MAPKBP1: variants seen among roughly 807,000 people sequenced by gnomAD.
MAPKBP1 encodes mitogen-activated protein kinase binding protein 1.
MAPKBP1 carries 71 observed loss-of-function variants against 170.5 expected under a neutral mutation model. The observed-to-expected ratio is 0.42, with a 90% CI of 0.34 to 0.51. The LOEUF is 0.51. Ranked by LOEUF, MAPKBP1 falls within the 20% of genes least tolerant of loss-of-function variation. MAPKBP1 has a pLI of 0.06. For synonymous variants in MAPKBP1, 719 were observed against 757.9 expected, an observed-to-expected ratio of 0.95 and a Z score of 0.84; for missense variants, 1,598 against 1,933.0, an observed-to-expected ratio of 0.83 and a Z score of 3.25.
chr15:41,797,498 G>A (rs1327456773), intron 2 of MAPKBP1, among the ~76,000 whole-genome samples: 1 of 152,142 alleles, frequency 6.6e-6, no homozygotes, highest in Non-Finnish European at 1.5e-5. Flanking sequence ...GTGCCAGGAT[G>A]ACTGGTGACT....
At chr15:41,782,786 A>G (rs1381725655) in intron 2 of MAPKBP1, among the ~76,000 whole-genome samples, 2 of 151,980 alleles carry the variant, frequency 1.3e-5, no homozygotes, top group Non-Finnish European at 1.5e-5. Context: ...GACAGTTCCC[A>G]AAGAGGGGGA....
intron 3 of MAPKBP1, among the ~76,000 whole-genome samples, chr15:41,802,774 C>G (rs2064620166): frequency 1.3e-5 from 2 of 152,076 alleles, no homozygotes; most frequent in African/African-American, 4.8e-5. Context: ...GTGCCTGACC[C>G]AAAAGTATTT....
intron 2 of MAPKBP1, among the ~76,000 whole-genome samples, chr15:41,786,031 C>A (rs1352435527): frequency 6.6e-6 from 1 of 152,128 alleles, no homozygotes; most frequent in Non-Finnish European, 1.5e-5. Flanking sequence ...GATGAAATTC[C>A]TTGTACCTGC....
intron 3 of MAPKBP1, among the ~76,000 whole-genome samples, chr15:41,806,832 A>G (rs559420475): frequency 1.3e-5 from 2 of 152,188 alleles, no homozygotes; most frequent in South Asian, 4.1e-4. Flanking sequence ...TCCCCAGCTG[A>G]CCTAGGAGCT....
At chr15:41,823,295 G>GCCTC (rs2065032454) in intron 28 of MAPKBP1, 73 bp downstream of exon 28, 4 of 1,562,098 alleles carry the variant, frequency 2.6e-6, no homozygotes, top group Admixed American at 3.5e-5. Flanking sequence ...AGGAGGGAGG[G>GCCTC]CCTGGTGTGG....
intron 27 of MAPKBP1, 51 bp from the exon 28 acceptor site, chr15:41,822,888 G>A (rs2152084454): frequency 1.3e-6 from 2 of 1,555,420 alleles, no homozygotes; most frequent in East Asian, 4.5e-5. Context: ...ATTTTGGCAG[G>A]GAGGAGCATT....
Position 41,820,881 on chromosome 15 carries a change from G to A in MAPKBP1, c.2531G>A (p.Gly844Glu). The change falls in exon 23 of 31, where the codon GGA becomes GAA. Residue 844 changes from glycine to glutamate, a missense_variant. Transcript: ENST00000457542. ...GACCCAGCTCCTGCAGCCAACCCAG[G>A]ACCCAGAAGAAGAGGGCGCTGGGTT... ...FLDPAPAANP[G>E]PRRRGRWVQP... 6.2e-7 allele frequency: 1 copy of A among 1,614,070 alleles called. No homozygotes were observed. Among genetic ancestry groups the A allele is most frequent in the Non-Finnish European group, 8.5e-7 (1 of 1,179,990 alleles).
rs970293647 is a variant in MAPKBP1 at position 41,823,328 on chromosome 15, C to T, written c.3598+106C>T. On this transcript the variant is annotated intron_variant, in intron 28 of 30. Coordinates refer to ENST00000457542, the MANE Select transcript of MAPKBP1 (RefSeq NM_014994.3). ...TGGCCCTGATGTGCCACTGTGCTGG[C>T]CACTAGGTGTCCCTTAATGGGCATG... 1.4e-5 allele frequency: 21 copies of T among 1,544,718 alleles called. No individual in the cohort carries two copies. The Admixed American group carries it at 3.3e-4, about 24-fold the overall frequency.
At chr15:41,805,984 C>T (rs1056748502) in intron 3 of MAPKBP1, among the ~76,000 whole-genome samples, 1 of 152,186 alleles carries the variant, frequency 6.6e-6, no homozygotes, top group African/African-American at 2.4e-5. Flanking sequence ...GGCCCTCATT[C>T]ACACTCTGCT....
At chr15:41,796,700 C>T (rs1349752022) in intron 2 of MAPKBP1, among the ~76,000 whole-genome samples, 2 of 152,148 alleles carry the variant, frequency 1.3e-5, no homozygotes, top group Non-Finnish European at 2.9e-5. Flanking sequence ...CAAACTCCTG[C>T]CTGTGGGGTT....
chr15:41,775,207 A>G lies in MAPKBP1; in HGVS notation c.-69A>G, dbSNP rs1288711952. 2 of 1,268,224 alleles carry G rather than the reference A, an allele frequency of 1.6e-6. No individual in the cohort carries two copies. Among genetic ancestry groups the G allele is most frequent in the African/African-American group, 2.9e-5 (2 of 68,408 alleles). The allele number at this position is 1,268,224 out of a possible 1,614,324, so 78.6% of individuals were successfully genotyped here. ...TACTGGGAAGCCCTCTGGAGTGGGA[A>G]GACAGTGCCGCTGTTGAGACAAGAC... On this transcript the variant is annotated 5_prime_UTR_variant, in exon 2 of 31. Transcript: ENST00000457542.
At chr15:41,799,993 T>C in intron 3 of MAPKBP1, 79 bp downstream of exon 3, 1 of 1,115,716 alleles carries the variant, frequency 9.0e-7, no homozygotes, top group Non-Finnish European at 1.4e-6. Context: ...GGCAGGGATT[T>C]TCTGGTATCT....
At chr15:41,820,809 C>T in intron 22 of MAPKBP1, 23 bp from the exon 23 acceptor site, 1 of 1,583,090 alleles carries the variant, frequency 6.3e-7, no homozygotes. Context: ...GTTACTCCTC[C>T]CCCACCCCCT....
intron 2 of MAPKBP1, among the ~76,000 whole-genome samples, chr15:41,789,490 T>C (rs1189341984): frequency 6.6e-6 from 1 of 152,214 alleles, no homozygotes; most frequent in South Asian, 2.1e-4. Flanking sequence ...AACTGGGTCC[T>C]TCATTCCCTC....
At chr15:41,807,730 G>C (rs1220874320) in intron 3 of MAPKBP1, among the ~76,000 whole-genome samples, 1 of 152,172 alleles carries the variant, frequency 6.6e-6, no homozygotes, top group Non-Finnish European at 1.5e-5. Flanking sequence ...ACTGCATAAA[G>C]TATTAAAACC....
Position 41,815,388 on chromosome 15 carries a change from C to G in MAPKBP1, c.1300C>G (p.Arg434Gly), listed in dbSNP as rs202001274. The part of the protein sequence containing the change: ...SSGVHGSTLH[R>G]NILSSDLIKI... Reference sequence around the variant, plus strand: ...CGGGGTGCATGGCTCCACCCTCCACCGAAACATCCTCAGCAGTGTGAGCCC... The same window carrying G: ...CGGGGTGCATGGCTCCACCCTCCACGGAAACATCCTCAGCAGTGTGAGCCC... The change falls in exon 11 of 31, where the codon CGA (arginine) becomes GGA (glycine). Residue 434 changes from arginine to glycine, a missense_variant. By Grantham distance (125) the Arg-to-Gly change is moderately radical. Transcript: ENST00000457542. 1 of 1,614,210 alleles carries G rather than the reference C, an allele frequency of 6.2e-7. No homozygotes were observed.
intron 2 of MAPKBP1, 46 bp downstream of exon 2, chr15:41,775,435 G>A: frequency 1.5e-6 from 2 of 1,378,688 alleles, no homozygotes; most frequent in Non-Finnish European, 2.1e-6. Context: ...ACCCTCTCCT[G>A]CTCCATGTTC....
rs571510251 is a variant in MAPKBP1 at position 41,813,409 on chromosome 15, T to C, written c.820-212T>C. On this transcript the variant is annotated intron_variant, in intron 8 of 30. Coordinates refer to ENST00000457542, the MANE Select transcript of MAPKBP1 (RefSeq NM_014994.3). ...TATTTCTTTCTCTTCACTGGGCTTT[T>C]CCTACTGGATCCTCTGGTGCCTAGA... The C allele has an allele frequency of 9.2e-5, 137 of 1,493,662 alleles. No individual in the cohort carries two copies. In the East Asian group the frequency reaches 2.9e-3, roughly 32 times the overall value. The allele number at this position is 1,493,662 out of a possible 1,614,324, so 92.5% of individuals were successfully genotyped here.
rs1180590172 is a variant in MAPKBP1, at chr15:41,786,777, AAT to A, written c.114+11414_114+11415del. ...CAGACTCCGTCTAAAAAAAAAAAAAAATATATATATATATATATATATATATA... is the reference window on the plus strand; with the variant it reads ...CAGACTCCGTCTAAAAAAAAAAAAAAATATATATATATATATATATATATA... On this transcript the variant is annotated intron_variant, in intron 2 of 30. Coordinates refer to ENST00000457542, the MANE Select transcript of MAPKBP1 (RefSeq NM_014994.3). Among the ~76,000 whole-genome samples the A allele has an allele frequency of 2.2e-3, 71 of 32,450 alleles. 1 individual carries two copies. Among genetic ancestry groups the A allele is most frequent in the South Asian group, 4.0e-3 (4 of 1,004 alleles). The allele number at this position is 32,450 out of a possible 152,430, so 21.3% of individuals were successfully genotyped here. A position where few individuals can be genotyped will look rare whatever the true frequency, so the allele number is the denominator to read the frequency against.
Sources: gnomAD v4.1 joint callset for allele counts (sites outside exome capture counted in the v4.1 genomes callset) on GRCh38, gnomAD v4.1.1 for gene constraint, MANE v1.5 for transcripts, NCBI Gene and HGNC (gene_info 2026-07-23, HGNC 2026-07-21) for gene names.